UBE2K: variants seen among roughly 807,000 people sequenced by gnomAD.
The protein encoded by UBE2K is ubiquitin-conjugating enzyme E2 K.
A neutral mutation model predicts 30.0 loss-of-function variants in UBE2K; 6 were observed. The observed-to-expected ratio is 0.20, with a 90% confidence interval of 0.11 to 0.39. The LOEUF (loss-of-function observed/expected upper bound fraction) is 0.39. UBE2K is among the 10% of genes least tolerant of loss of function. UBE2K has a pLI of 1.00. For missense variants in UBE2K, 61 were observed against 241.6 expected (o/e 0.25, Z 4.96); for synonymous variants, 86 against 83.7 (o/e 1.03, Z -0.15).
intron 3 of UBE2K, among the ~76,000 whole-genome samples, chr4:39,750,531 A>T (rs916079631): frequency 5.9e-5 from 9 of 152,136 alleles, no homozygotes; most frequent in African/African-American, 2.2e-4. Flanking sequence ...CGCTACTACT[A>T]GTTTTGTATA....
At chr4:39,767,113 G>A (rs529016455) in intron 4 of UBE2K, among the ~76,000 whole-genome samples, 1 of 152,196 alleles carries the variant, frequency 6.6e-6, no homozygotes, top group South Asian at 2.1e-4. Flanking sequence ...TTGGTTTCCT[G>A]TACCTTTGAT....
intron 4 of UBE2K, 114 bp downstream of exon 4, chr4:39,755,853 T>G (rs940886005): frequency 4.5e-6 from 3 of 667,736 alleles, no homozygotes; most frequent in African/African-American, 5.3e-5. Context: ...GTTTGGGCAG[T>G]AACTTTAAAA....
At position 39,781,472 on chromosome 4, in the gene UBE2K, T is replaced by C. The variant is rs1249281808; in HGVS notation, c.*3038T>C. ...ATGCACTACAGAATGCAGCATACTGTATTACTGTTGAGGCTGCTTAATAAG... is the reference window on the plus strand; with the variant it reads ...ATGCACTACAGAATGCAGCATACTGCATTACTGTTGAGGCTGCTTAATAAG... On this transcript the variant is annotated 3_prime_UTR_variant, in exon 7 of 7. Coordinates refer to ENST00000261427, the MANE Select transcript of UBE2K (RefSeq NM_005339.5). 6.5e-6 allele frequency: 1 copy of C among 153,552 alleles called. No homozygotes were observed. The highest frequency in any genetic ancestry group is 2.4e-5 in the African/African-American group (1 of 41,526). 9.5% of individuals were successfully genotyped at this position (153,552 alleles called of 1,614,324 possible).
intron 1 of UBE2K, among the ~76,000 whole-genome samples, chr4:39,721,990 G>A (rs866977582): frequency 1.3e-5 from 2 of 152,050 alleles, no homozygotes; most frequent in African/African-American, 2.4e-5. Flanking sequence ...TTGGGCAGCC[G>A]AGGTCGGAGG....
intron 2 of UBE2K, among the ~76,000 whole-genome samples, chr4:39,739,233 G>A (rs1446185934): frequency 5.3e-5 from 8 of 150,464 alleles, no homozygotes; most frequent in East Asian, 2.0e-4. Context: ...GTGTTTCACC[G>A]TGTTAGCCAG....
intron 3 of UBE2K, among the ~76,000 whole-genome samples, chr4:39,746,940 G>A (rs1283837478): frequency 6.6e-6 from 1 of 152,092 alleles, no homozygotes; most frequent in Non-Finnish European, 1.5e-5. Context: ...ATGCTCCTGA[G>A]TCATATAGGT....
chr4:39,754,522 G>T (rs141086220), intron 3 of UBE2K, among the ~76,000 whole-genome samples: 1 of 152,020 alleles, frequency 6.6e-6, no homozygotes, highest in Non-Finnish European at 1.5e-5. Context: ...TAAAGAGTCC[G>T]TTTTTTTCCA....
intron 3 of UBE2K, among the ~76,000 whole-genome samples, chr4:39,751,559 G>T (rs1021780245): frequency 6.6e-6 from 1 of 152,140 alleles, no homozygotes; most frequent in Non-Finnish European, 1.5e-5. Context: ...CACGCCTGTA[G>T]TCCCAACTAC....
rs1344030190 is a variant in UBE2K at position 39,779,088 on chromosome 4, T to C, written c.*654T>C. On this transcript the variant is annotated 3_prime_UTR_variant, in exon 7 of 7. Transcript: ENST00000261427. ...CCACACACAGCTAATATTCTAATGG[T>C]AAATTTCTCTGTATCAGGTGGGGAA... 1 of 119,338 alleles carries C rather than the reference T, an allele frequency of 8.4e-6. No homozygotes were observed. The highest frequency in any genetic ancestry group is 1.6e-5 in the Non-Finnish European group (1 of 61,916). 7.4% of individuals were successfully genotyped at this position (119,338 alleles called of 1,614,324 possible). A position where few individuals can be genotyped will look rare whatever the true frequency, so the allele number is the denominator to read the frequency against.
intron 4 of UBE2K, among the ~76,000 whole-genome samples, chr4:39,757,025 G>GTTTTTTT (rs1462859142): frequency 7.0e-5 from 5 of 70,930 alleles, no homozygotes; most frequent in East Asian, 4.9e-4. Context: ...TTTGTTTTTT[G>GTTTTTTT]TTTTTTGTTT....
intron 3 of UBE2K, among the ~76,000 whole-genome samples, chr4:39,752,694 C>A (rs1033015333): frequency 1.3e-5 from 2 of 152,082 alleles, no homozygotes; most frequent in African/African-American, 2.4e-5. Flanking sequence ...ATGGCATATG[C>A]TTGTTTATGA....
intron 4 of UBE2K, among the ~76,000 whole-genome samples, chr4:39,774,608 G>A (rs1325029454): frequency 1.3e-5 from 2 of 151,912 alleles, no homozygotes; most frequent in South Asian, 2.1e-4. Context: ...GCCAGACTCC[G>A]TCTCAGGGGA....
chr4:39,771,069 G>A, intron 4 of UBE2K: 6 of 1,612,556 alleles, frequency 3.7e-6, no homozygotes, highest in Non-Finnish European at 5.1e-6. Flanking sequence ...TGAACTGGCT[G>A]AGGGCATTCT....
chr4:39,778,203 C>T (rs996317708), intron 6 of UBE2K, among the ~76,000 whole-genome samples, 157 bp from the exon 7 acceptor site: 3 of 149,412 alleles, frequency 2.0e-5, no homozygotes, highest in Non-Finnish European at 3.0e-5. Context: ...TTACTAATTA[C>T]TGTCATTGAT....
chr4:39,770,328 C>G (rs1712701658), intron 4 of UBE2K: 1 of 1,613,510 alleles, frequency 6.2e-7, no homozygotes, highest in Admixed American at 1.7e-5. Flanking sequence ...ATGCACGTTC[C>G]TGTGGTGGTT....
At chr4:39,775,315 T>C (rs576756620) in intron 5 of UBE2K, among the ~76,000 whole-genome samples, 4 of 152,382 alleles carry the variant, frequency 2.6e-5, no homozygotes, top group South Asian at 2.1e-4. Context: ...ATGGGACTTA[T>C]GTGACATGGC....
chr4:39,768,065 A>G lies in UBE2K; in HGVS notation c.300-6769A>G, dbSNP rs551368301. Among the ~76,000 whole-genome samples, 6 of 152,242 alleles carry G rather than the reference A, an allele frequency of 3.9e-5. No homozygotes were observed. The South Asian group carries it at 8.3e-4, about 21-fold the overall frequency. On this transcript the variant is annotated intron_variant, in intron 4 of 6. Transcript: ENST00000261427. ...AACATCTAGGTAGCTTTTGATATGT[A>G]TGTGCCTTTAAACATTCTCTTTGAA...
chr4:39,735,020 GGGGATT>G (rs1006689278), intron 1 of UBE2K, among the ~76,000 whole-genome samples: 1 of 152,094 alleles, frequency 6.6e-6, no homozygotes, highest in Admixed American at 6.5e-5. Context: ...TTTTTGGAGG[GGGGATT>G]GTGGAAAGCT....
chr4:39,710,884 A>G (rs1011990997), intron 1 of UBE2K, among the ~76,000 whole-genome samples: 6 of 152,044 alleles, frequency 3.9e-5, no homozygotes, highest in Non-Finnish European at 5.9e-5. Flanking sequence ...ACAGATAGTA[A>G]TCTTCTCATA....
Sources: gnomAD v4.1 joint callset for allele counts (sites outside exome capture counted in the v4.1 genomes callset) on GRCh38, gnomAD v4.1.1 for gene constraint, MANE v1.5 for transcripts, NCBI Gene and HGNC (gene_info 2026-07-23, HGNC 2026-07-21) for gene names.